Variants in NAP1L4 observed in about 807,000 individuals in gnomAD.
The protein encoded by NAP1L4 is nucleosome assembly protein 1 like 4.
Under a neutral mutation model 58.2 loss-of-function variants are expected in NAP1L4, and 15 were observed. That is an observed-to-expected ratio of 0.26 (90% CI 0.17 to 0.40). The LOEUF (loss-of-function observed/expected upper bound fraction) is 0.40. Ranked by LOEUF, NAP1L4 falls within the 10% of genes least tolerant of loss-of-function variation. The pLI, the probability that NAP1L4 is intolerant of heterozygous loss-of-function variation, is 1.00. For synonymous variants in NAP1L4, 171 were observed against 155.6 expected, an observed-to-expected ratio of 1.10 and a Z score of -0.74; for missense variants, 384 against 451.1, an observed-to-expected ratio of 0.85 and a Z score of 1.35.
chr11:2,981,278 C>T (rs10833014), intron 1 of NAP1L4, among the ~76,000 whole-genome samples: 101,189 of 150,426 alleles, frequency 0.67, 34,436 homozygotes, highest in East Asian at 0.88. Context: ...GACACAGCGG[C>T]TGATACCTCT....
At chr11:2,964,610 G>T in intron 8 of NAP1L4, 70 bp downstream of exon 8, 1 of 1,334,468 alleles carries the variant, frequency 7.5e-7, no homozygotes, top group Non-Finnish European at 1.1e-6. Flanking sequence ...CTTGCCCCTG[G>T]CTCCAAGTTC....
intron 10 of NAP1L4, 44 bp downstream of exon 10, chr11:2,958,355 T>G: frequency 6.2e-7 from 1 of 1,606,084 alleles, no homozygotes; most frequent in Non-Finnish European, 8.5e-7. Context: ...ACCAAAATTA[T>G]TTTATATAAG....
chr11:2,945,838 T>TG (rs1845912840), intron 15 of NAP1L4, among the ~76,000 whole-genome samples, 192 bp from the exon 16 acceptor site: 1 of 150,038 alleles, frequency 6.7e-6, no homozygotes, highest in East Asian at 1.9e-4. Flanking sequence ...CAAAGCAGGG[T>TG]TTTTTTTTGT....
Position 2,958,379 on chromosome 11 carries a change from T to C in NAP1L4, c.892+20A>G, listed in dbSNP as rs377543740. 24 of 1,612,778 alleles carry C rather than the reference T, an allele frequency of 1.5e-5. No individual in the cohort carries two copies. The highest frequency in any genetic ancestry group is 4.5e-5 in the East Asian group (2 of 44,890). ...ATTTTATATAAGAACATAATGAATA[T>C]TAACAACCAACAGACTTGCCTTTCA... On this transcript the variant is annotated intron_variant, in intron 10 of 15. Coordinates refer to ENST00000380542, the MANE Select transcript of NAP1L4 (RefSeq NM_005969.4).
chr11:2,980,200 CA>C (rs1033383115), intron 1 of NAP1L4, among the ~76,000 whole-genome samples: 1 of 152,086 alleles, frequency 6.6e-6, no homozygotes, highest in African/African-American at 2.4e-5. Context: ...AAAAAGTTAT[CA>C]TTTTTTTTGA....
chr11:2,976,100 G>A lies in NAP1L4; in HGVS notation c.97C>T (p.Gln33Ter), dbSNP rs1564986989. 6.2e-7 allele frequency: 1 copy of A among 1,613,822 alleles called. No homozygotes were observed. The change falls in exon 4 of 16, where the codon CAG becomes TAG. Residue 33 changes from glutamine to a stop codon, truncating the protein, a stop_gained. Coordinates refer to ENST00000380542, the MANE Select transcript of NAP1L4 (RefSeq NM_005969.4). LOFTEE classifies it high-confidence loss of function. ...AAAGCTGCCAGAACTCGAGGATTCT[G>A]CATCACCTGATCTGTGAGCTTTTCT... ...NTEKLTDQVM[Q>*]NPRVLAALQE... is the part of the protein sequence containing the mutation.
chr11:2,969,749 A>G, intron 7 of NAP1L4, 54 bp downstream of exon 7: 1 of 1,553,316 alleles, frequency 6.4e-7, no homozygotes, highest in Middle Eastern at 1.8e-4. Flanking sequence ...GCCATAGATA[A>G]GTAATGTTAG....
intron 1 of NAP1L4, chr11:2,990,216 T>A (rs868830212): frequency 6.6e-6 from 1 of 151,962 alleles, no homozygotes; most frequent in Non-Finnish European, 1.5e-5. Context: ...AAGACTGCAA[T>A]TGGATATGTA....
At chr11:2,985,540 T>C (rs961710683) in intron 1 of NAP1L4, among the ~76,000 whole-genome samples, 11 of 152,230 alleles carry the variant, frequency 7.2e-5, no homozygotes, top group African/African-American at 2.7e-4. Context: ...CAACAATGTA[T>C]CACATAATTG....
Position 2,976,117 on chromosome 11 carries a change from A to C in NAP1L4, c.80T>G (p.Leu27Arg). Residue 27 changes from leucine (L) to arginine (R), a missense_variant, in exon 4 of 16, where the codon CTC becomes CGC. Leu to Arg is a moderately radical substitution (Grantham distance 102). Around this residue, in one of 3 missense-constraint regions of NAP1L4, gnomAD observed 84 missense variants for 73.7 expected, o/e 1.14. Coordinates refer to ENST00000380542, the MANE Select transcript of NAP1L4 (RefSeq NM_005969.4). ...AAKNASNTEK[L>R]TDQVMQNPRV... ...AGGATTCTGCATCACCTGATCTGTG[A>C]GCTTTTCTATGAAGAGTTAAGACCA... The C allele has an allele frequency of 1.2e-6, 2 of 1,612,744 alleles. No homozygotes were observed. Among genetic ancestry groups the C allele is most frequent in the Non-Finnish European group, 1.7e-6 (2 of 1,179,608 alleles).
At chr11:2,988,792 A>G (rs1401671999) in intron 1 of NAP1L4, among the ~76,000 whole-genome samples, 1 of 152,230 alleles carries the variant, frequency 6.6e-6, no homozygotes, top group Non-Finnish European at 1.5e-5. Context: ...ACTTAAGGTT[A>G]CACAGGAAGT....
Position 2,949,164 on chromosome 11 carries a change from A to G in NAP1L4, c.*32+63T>C, listed in dbSNP as rs1488735108. On this transcript the variant is annotated intron_variant, in intron 15 of 15. Transcript: ENST00000380542. This position sits in a 1 kb window ranked among gnomAD's most constrained non-coding sequence, Gnocchi z 4.0. ...TCCCTCTTTATTCAAAGTCAAAACA[A>G]TGCATTGTATAAAGTATAGATCAGA... 1 of 1,293,242 alleles carries G rather than the reference A, an allele frequency of 7.7e-7. No individual in the cohort carries two copies. Among genetic ancestry groups the G allele is most frequent in the East Asian group, 2.3e-5 (1 of 43,208 alleles). 80.1% of individuals were successfully genotyped at this position (1,293,242 alleles called of 1,614,324 possible).
chr11:2,980,583 C>T (rs988747769), intron 1 of NAP1L4, among the ~76,000 whole-genome samples: 4 of 152,160 alleles, frequency 2.6e-5, no homozygotes, highest in Admixed American at 2.0e-4. Flanking sequence ...GGTGTGGTTA[C>T]GAAGTTCCTT....
intron 6 of NAP1L4, among the ~76,000 whole-genome samples, chr11:2,970,877 A>T (rs1197978492): frequency 6.6e-6 from 1 of 151,566 alleles, no homozygotes; most frequent in Non-Finnish European, 1.5e-5. Flanking sequence ...AACTGCAAAA[A>T]GTTAGTTATA....
rs759077211 is a variant in NAP1L4, at chr11:2,958,576, C to T, written c.747-32G>A. The T allele has an allele frequency of 3.3e-5, 53 of 1,595,900 alleles. No homozygotes were observed. The Admixed American group carries it at 9.3e-4, about 28-fold the overall frequency. Reference sequence around the variant, plus strand: ...GGACAAGACAGCTGTCAGGAACACACAATCCATGAGAAAAATCCATTACAA... The same window carrying T: ...GGACAAGACAGCTGTCAGGAACACATAATCCATGAGAAAAATCCATTACAA... On this transcript the variant is annotated intron_variant, in intron 9 of 15. Transcript: ENST00000380542.
intron 1 of NAP1L4, 124 bp from the exon 2 acceptor site, chr11:2,979,361 G>C (rs933285448): frequency 1.6e-5 from 12 of 731,382 alleles, no homozygotes; most frequent in African/African-American, 1.3e-4. Context: ...GAACTTTCTA[G>C]AGTGATGAAA....
At chr11:2,972,384 G>C (rs1055370611) in intron 4 of NAP1L4, 141 bp from the exon 5 acceptor site, 1 of 594,642 alleles carries the variant, frequency 1.7e-6, no homozygotes. Context: ...ATTAAGAAAA[G>C]GACAATACCC....
chr11:2,961,029 T>C (rs982989426), intron 8 of NAP1L4, among the ~76,000 whole-genome samples: 7 of 152,200 alleles, frequency 4.6e-5, no homozygotes. Context: ...AGGAGCTGCC[T>C]TGGTGGTTAA....
intron 1 of NAP1L4, among the ~76,000 whole-genome samples, chr11:2,984,427 C>T (rs1803644820): frequency 6.6e-6 from 1 of 151,942 alleles, no homozygotes; most frequent in East Asian, 1.9e-4. Context: ...CAAAATTAGC[C>T]GGGCATGGTG....
Sources: gnomAD v4.1 joint callset for allele counts (sites outside exome capture counted in the v4.1 genomes callset) on GRCh38, gnomAD v4.1.1 for gene constraint, gnomAD v4.1.1 regional missense constraint, Gnocchi (gnomAD v3.1) non-coding constraint, MANE v1.5 for transcripts, NCBI Gene and HGNC (gene_info 2026-07-23, HGNC 2026-07-21) for gene names.